The following NUP98 variants were observed in gnomAD, a reference collection of about 807,000 sequenced individuals.
NUP98 encodes the protein nucleoporin 98 and 96 precursor, also known as nuclear pore complex protein Nup98-Nup96.
Under a neutral mutation model 191.9 loss-of-function variants are expected in NUP98, and 26 were observed. That is an observed-to-expected ratio of 0.14 (90% CI 0.10 to 0.19). NUP98 has a LOEUF of 0.19. NUP98 is among the 10% of genes least tolerant of loss of function. NUP98 has a pLI of 1.00. For missense variants in NUP98, 1,941 were observed against 2,178.8 expected (o/e 0.89, Z 2.17); for synonymous variants, 808 against 778.4 (o/e 1.04, Z -0.63).
At chr11:3,753,139 C>G (rs1045746242) in intron 11 of NUP98, among the ~76,000 whole-genome samples, 177 bp downstream of exon 11, 1 of 152,136 alleles carries the variant, frequency 6.6e-6, no homozygotes. Flanking sequence ...CACAAACATG[C>G]CAATATTTTA....
chr11:3,694,076 C>CA (rs35430290), intron 26 of NUP98, among the ~76,000 whole-genome samples: 36,499 of 110,578 alleles, frequency 0.33, 6,035 homozygotes, highest in African/African-American at 0.53. Flanking sequence ...ATTAAAAATA[C>CA]AAAAAAAAAA....
rs1440759294 is a variant in NUP98, at chr11:3,702,311, ACACTCTCTCTCT to A, written c.3512+140_3512+151del. The A allele has an allele frequency of 6.0e-4, 255 of 423,914 alleles. 1 individual carries two copies. In the African/African-American group the frequency reaches 6.7e-3, roughly 11 times the overall value. The allele number at this position is 423,914 out of a possible 1,614,324, so 26.3% of individuals were successfully genotyped here. The stretch of plus-strand genomic sequence containing the variant: ...CACACACACACACACACACACACAC[ACACTCTCTCTCT>A]CTCTCTCTCTCTCTCTCTCTCTCTC... On this transcript the variant is annotated intron_variant, in intron 23 of 32. Transcript: ENST00000324932.
intron 7 of NUP98, among the ~76,000 whole-genome samples, chr11:3,770,354 G>A (rs997874409): frequency 5.3e-5 from 8 of 151,902 alleles, no homozygotes; most frequent in Admixed American, 3.9e-4. Flanking sequence ...AGTCGGGTGT[G>A]GTGGCACATG....
At position 3,700,888 on chromosome 11, in the gene NUP98, G is replaced by C. The variant is rs201585734; in HGVS notation, c.3513-49C>G. On this transcript the variant is annotated intron_variant, in intron 23 of 32. Coordinates refer to ENST00000324932, the MANE Select transcript of NUP98 (RefSeq NM_016320.5). ...AATAGAAAATGAACCTAAGACAGAA[G>C]CTAGGATTTTTACTTCAACCAAACC... is the stretch of plus-strand genomic sequence containing the variant. The C allele has an allele frequency of 1.7e-3, 2,288 of 1,322,030 alleles. 19 individuals are homozygous for C. The highest frequency in any genetic ancestry group is 2.8e-3 in the Middle Eastern group (15 of 5,284). The allele number at this position is 1,322,030 out of a possible 1,614,324, so 81.9% of individuals were successfully genotyped here. A position where few individuals can be genotyped will look rare whatever the true frequency, so the allele number is the denominator to read the frequency against.
chr11:3,773,361 T>C (rs2081595615), intron 6 of NUP98, among the ~76,000 whole-genome samples: 1 of 151,778 alleles, frequency 6.6e-6, no homozygotes, highest in Admixed American at 6.6e-5. Context: ...TGTCACTGCA[T>C]TCCAGCCTGG....
rs1378799502 is a variant in NUP98, at chr11:3,785,533, C to CAGAT, written c.-28-3392_-28-3389dup. ...CAGCACTTTGGGAGGCCAAGGTGGG[C>CAGAT]AGATCACTTGAGGCCAAGAGTTTGA... is the stretch of plus-strand genomic sequence containing the variant. On this transcript the variant is annotated intron_variant, in intron 1 of 32. Transcript: ENST00000324932. 3.3e-5 allele frequency among the ~76,000 whole-genome samples: 5 copies of CAGAT among 152,114 alleles called. No individual in the cohort carries two copies. In the East Asian group the frequency reaches 9.6e-4, roughly 29 times the overall value.
chr11:3,735,263 A>G lies in NUP98; in HGVS notation c.1470T>C (p.Ser490=). The G allele has an allele frequency of 6.3e-7, 1 of 1,597,488 alleles. No homozygotes were observed. The highest frequency in any genetic ancestry group is 8.5e-7 in the Non-Finnish European group (1 of 1,170,074). The change falls in exon 13 of 33, where the codon AGT becomes AGC. Residue 490 remains serine, a synonymous_variant. Transcript: ENST00000324932. ...QQAVLQQHIN[S]LTYSPFGDSP... ...AGTCTCCAAAAGGTGAGTATGTTAGACTATTGATGTGCTGCTGGAGAACAG... is the reference window on the plus strand; with the variant it reads ...AGTCTCCAAAAGGTGAGTATGTTAGGCTATTGATGTGCTGCTGGAGAACAG...
At chr11:3,698,877 G>T in intron 25 of NUP98, 1 of 600,364 alleles carries the variant, frequency 1.7e-6, no homozygotes, top group Non-Finnish European at 2.9e-6. Context: ...CTCTGTTTAG[G>T]ACCTTAAACA....
Position 3,729,543 on chromosome 11 carries a change from CAAAAAAAAAAAAAAAAA to C in NUP98, c.1730+1831_1730+1847del, listed in dbSNP as rs36045405. Among the ~76,000 whole-genome samples the C allele has an allele frequency of 1.9e-3, 108 of 55,760 alleles. 1 individual carries two copies. The highest frequency in any genetic ancestry group is 4.6e-3 in the Admixed American group (20 of 4,378). 36.6% of individuals were successfully genotyped at this position (55,760 alleles called of 152,430 possible). On this transcript the variant is annotated intron_variant, in intron 14 of 32. Transcript: ENST00000324932. Reference sequence around the variant, plus strand: ...GCAACACAGAAAGACCCTGTATCTCCAAAAAAAAAAAAAAAAAAAAAAAAATTACTGGGCATGGTGGT... The same window carrying C: ...GCAACACAGAAAGACCCTGTATCTCCAAAAAAAATTACTGGGCATGGTGGT...
Position 3,762,346 on chromosome 11 carries a change from T to G in NUP98, c.1086+556A>C, listed in dbSNP as rs373709744. 1.4e-4 allele frequency among the ~76,000 whole-genome samples: 22 copies of G among 152,064 alleles called. No individual in the cohort carries two copies. In the East Asian group the frequency reaches 3.5e-3, roughly 24 times the overall value. ...CATGTTGGCCAGATTGGTCTCGAAT[T>G]CCTGACCTCAGGTGATCCACCCACC... On this transcript the variant is annotated intron_variant, in intron 9 of 32. Coordinates refer to ENST00000324932, the MANE Select transcript of NUP98 (RefSeq NM_016320.5).
chr11:3,697,555 A>G (rs570067412), intron 25 of NUP98, among the ~76,000 whole-genome samples: 10 of 152,278 alleles, frequency 6.6e-5, no homozygotes, highest in Non-Finnish European at 1.2e-4. Context: ...CATGCCTGTA[A>G]TCCCAGCACT....
chr11:3,705,872 G>A (rs1040795156), intron 21 of NUP98, among the ~76,000 whole-genome samples: 2 of 151,580 alleles, frequency 1.3e-5, no homozygotes, highest in Admixed American at 6.6e-5. Flanking sequence ...GATTGGGGCC[G>A]GGCTCAGTGG....
chr11:3,702,307 ACACACACTCTCTCTCTCTCTCTCT>A (rs1269849553), intron 23 of NUP98, among the ~76,000 whole-genome samples, 132 bp downstream of exon 23: 22 of 57,988 alleles, frequency 3.8e-4, no homozygotes, highest in African/African-American at 1.0e-3. Flanking sequence ...ACACACACAC[ACACACACTCTCTCTCTCTCTCTCT>A]CTCTCTCTCT....
At chr11:3,700,947 A>C in intron 23 of NUP98, 108 bp from the exon 24 acceptor site, 6 of 743,528 alleles carry the variant, frequency 8.1e-6, no homozygotes, top group Non-Finnish European at 1.3e-5. Flanking sequence ...ACGGAATGCA[A>C]ACATTTCACT....
intron 1 of NUP98, among the ~76,000 whole-genome samples, chr11:3,789,147 G>A (rs115072815): frequency 1.2e-4 from 18 of 152,264 alleles, no homozygotes; most frequent in African/African-American, 3.4e-4. Context: ...ACTGGTAGGA[G>A]GACAAAGCTG....
intron 20 of NUP98, among the ~76,000 whole-genome samples, chr11:3,710,542 C>T (rs940206512): frequency 4.6e-5 from 7 of 152,076 alleles, no homozygotes; most frequent in African/African-American, 1.7e-4. Context: ...GGCCTCTCTC[C>T]CCCAAGAAAA....
chr11:3,793,295 G>C (rs183071022), intron 1 of NUP98, among the ~76,000 whole-genome samples: 1 of 151,996 alleles, frequency 6.6e-6, no homozygotes, highest in Admixed American at 6.5e-5. Flanking sequence ...ACATTTAGAG[G>C]TCTTCTTTTT....
chr11:3,712,138 T>TA (rs1365038785), intron 20 of NUP98: 1 of 1,061,776 alleles, frequency 9.4e-7, no homozygotes, highest in African/African-American at 1.6e-5. Flanking sequence ...AAATGGAGAT[T>TA]AAAAACCCTT....
intron 13 of NUP98, 121 bp downstream of exon 13, chr11:3,735,070 A>G (rs2079994747): frequency 1.1e-6 from 1 of 919,498 alleles, no homozygotes; most frequent in Non-Finnish European, 1.5e-6. Flanking sequence ...TAATATCTTA[A>G]AAAATTAATT....
Sources: allele counts gnomAD v4.1 joint callset (sites outside exome capture counted in the v4.1 genomes callset), GRCh38; gene constraint gnomAD v4.1.1; transcripts MANE v1.5; gene names NCBI Gene and HGNC (gene_info 2026-07-23, HGNC 2026-07-21).